The following NCOA2 variants were observed in gnomAD, a reference collection of about 807,000 sequenced individuals.
NCOA2 encodes the protein class E basic helix-loop-helix protein 75.
NCOA2 carries 21 observed loss-of-function variants against 145.1 expected under a neutral mutation model. The observed-to-expected ratio is 0.14, with a 90% confidence interval of 0.10 to 0.21. The LOEUF (loss-of-function observed/expected upper bound fraction) is 0.21, where lower values mean the gene tolerates loss of function less well. Ranked by LOEUF, NCOA2 falls within the 10% of genes least tolerant of loss-of-function variation. The pLI is 1.00. For synonymous variants in NCOA2, 619 were observed against 637.5 expected (o/e 0.97, Z 0.44); for missense variants, 1,472 against 1,837.6 (o/e 0.80, Z 3.64).
intron 2 of NCOA2, among the ~76,000 whole-genome samples, chr8:70,253,400 G>A (rs1823363509): frequency 1.3e-5 from 2 of 152,048 alleles, no homozygotes; most frequent in South Asian, 2.1e-4. Flanking sequence ...ATCAAAGAGG[G>A]AAAATAGAAG....
At chr8:70,330,899 T>C (rs1278091584) in intron 1 of NCOA2, among the ~76,000 whole-genome samples, 2 of 152,228 alleles carry the variant, frequency 1.3e-5, no homozygotes, top group Admixed American at 6.5e-5. Context: ...TTCAGTTATC[T>C]GGAAATGGCA....
intron 4 of NCOA2, among the ~76,000 whole-genome samples, chr8:70,198,483 C>A (rs1044686789): frequency 2.0e-5 from 3 of 152,156 alleles, no homozygotes; most frequent in African/African-American, 7.2e-5. Flanking sequence ...CAGGGAGACT[C>A]ACTGGAGGCT....
the NCOA2 span, among the ~76,000 whole-genome samples, chr8:70,450,840 T>C: frequency 6.6e-6 from 1 of 151,480 alleles, no homozygotes; most frequent in African/African-American, 2.4e-5. Context: ...GTGCTGGAAT[T>C]ACAGGCATGA....
chr8:70,181,349 G>A (rs893907770), intron 4 of NCOA2, among the ~76,000 whole-genome samples: 1 of 152,036 alleles, frequency 6.6e-6, no homozygotes, highest in Non-Finnish European at 1.5e-5. Context: ...TCCTTTTTTG[G>A]GGATCATCTG....
At chr8:70,248,382 A>AT (rs1418860923) in intron 2 of NCOA2, among the ~76,000 whole-genome samples, 1 of 152,150 alleles carries the variant, frequency 6.6e-6, no homozygotes, top group Admixed American at 6.5e-5. Flanking sequence ...CAAACTCCAC[A>AT]TCTCCTCATC....
At chr8:70,373,250 T>C (rs1378566302) in intron 1 of NCOA2, among the ~76,000 whole-genome samples, 1 of 152,210 alleles carries the variant, frequency 6.6e-6, no homozygotes, top group Non-Finnish European at 1.5e-5. Context: ...TAGTCTCCCC[T>C]GCACTTGGTA....
At chr8:70,441,224 G>GAAGA in the NCOA2 span, among the ~76,000 whole-genome samples, 5 of 136,848 alleles carry the variant, frequency 3.7e-5, no homozygotes, top group African/African-American at 1.3e-4. Flanking sequence ...AGAAAAGGAA[G>GAAGA]AAGAAAGAAA....
At chr8:70,170,139 G>A in intron 6 of NCOA2, 63 bp downstream of exon 6, 2 of 1,461,568 alleles carry the variant, frequency 1.4e-6, no homozygotes, top group Non-Finnish European at 1.9e-6. Flanking sequence ...AAGACACTGT[G>A]TGTATGAGGC....
intron 2 of NCOA2, among the ~76,000 whole-genome samples, chr8:70,277,149 T>G (rs571061703): frequency 1.5e-4 from 23 of 152,014 alleles, no homozygotes; most frequent in Admixed American, 3.3e-4. Context: ...GGCGTTTTTG[T>G]TTTTTTTCCT....
Position 70,157,195 on chromosome 8 carries a change from C to T in NCOA2, c.1170G>A (p.Thr390=), listed in dbSNP as rs757108396. Residue 390 remains threonine (T), a synonymous_variant, in exon 11 of 23, where the codon ACG becomes ACA. Transcript: ENST00000452400. The part of the protein sequence containing the change: ...CVMNPDLTGQ[T]MGKPLNPISS... ...TAATTGGATTCAGTGGCTTCCCCATCGTTTGTCCAGTCAGATCCGGATTCA... is the reference window on the plus strand; with the variant it reads ...TAATTGGATTCAGTGGCTTCCCCATTGTTTGTCCAGTCAGATCCGGATTCA... The T allele has an allele frequency of 8.2e-6, 13 of 1,589,648 alleles. No homozygotes were observed. In the East Asian group the frequency reaches 1.1e-4, roughly 14 times the overall value.
intron 2 of NCOA2, among the ~76,000 whole-genome samples, chr8:70,251,004 A>G (rs1167932963): frequency 6.6e-6 from 1 of 152,214 alleles, no homozygotes; most frequent in Non-Finnish European, 1.5e-5. Flanking sequence ...GCCCATTTGA[A>G]TTTATTGTTT....
Position 70,341,826 on chromosome 8 carries a change from C to T in NCOA2, c.-76-45026G>A, listed in dbSNP as rs141441583. Among the ~76,000 whole-genome samples, 778 of 152,310 alleles carry T rather than the reference C, an allele frequency of 5.1e-3. 5 individuals carry two copies. Among genetic ancestry groups the T allele is most frequent in the African/African-American group, 0.017 (717 of 41,568 alleles). ...AAAGAAAGACCTTAGGATGAATTTT[C>T]CAATGCTCAAATGCATTCCATTTAA... On this transcript the variant is annotated intron_variant, in intron 1 of 22. Coordinates refer to ENST00000452400, the MANE Select transcript of NCOA2 (RefSeq NM_006540.4).
intron 1 of NCOA2, among the ~76,000 whole-genome samples, chr8:70,336,860 C>T (rs774284959): frequency 8.5e-5 from 13 of 152,078 alleles, no homozygotes; most frequent in Admixed American, 3.3e-4. Flanking sequence ...GATGGACACC[C>T]GGGTTGCTTC....
intron 1 of NCOA2, among the ~76,000 whole-genome samples, chr8:70,376,596 T>C (rs767862800): frequency 2.0e-5 from 3 of 151,998 alleles, no homozygotes; most frequent in Non-Finnish European, 2.9e-5. Context: ...AGATTTAACA[T>C]CTTAGAATTC....
chr8:70,405,602 A>G (rs1270098971), upstream of NCOA2, among the ~76,000 whole-genome samples: 1 of 151,544 alleles, frequency 6.6e-6, no homozygotes, highest in Non-Finnish European at 1.5e-5. Context: ...GTTTGTCACA[A>G]TTCTGAACTC....
intron 1 of NCOA2, among the ~76,000 whole-genome samples, chr8:70,377,790 C>G (rs1354853249): frequency 6.6e-6 from 1 of 152,090 alleles, no homozygotes; most frequent in Admixed American, 6.6e-5. Context: ...AGTTCTTGCA[C>G]AAAATCTAAA....
In NCOA2 at chr8:70,216,767, A is replaced by G. The variant is rs774461848; in HGVS notation, c.-19-3T>C. The G allele has an allele frequency of 2.0e-6, 3 of 1,525,748 alleles. No individual in the cohort carries two copies. Among genetic ancestry groups the G allele is most frequent in the East Asian group, 4.5e-5 (2 of 44,420 alleles). 94.5% of individuals were successfully genotyped at this position (1,525,748 alleles called of 1,614,324 possible). On this transcript the variant is annotated splice_polypyrimidine_tract_variant and splice_region_variant and intron_variant, in intron 2 of 22. Transcript: ENST00000452400. ...TCATCTTGAACACATATCAGCAACTAAAACAGAAAACAGAGAAGAGGAAGA... is the reference window on the plus strand; with the variant it reads ...TCATCTTGAACACATATCAGCAACTGAAACAGAAAACAGAGAAGAGGAAGA...
At chr8:70,257,698 G>C (rs188212646) in intron 2 of NCOA2, among the ~76,000 whole-genome samples, 1 of 151,910 alleles carries the variant, frequency 6.6e-6, no homozygotes, top group Non-Finnish European at 1.5e-5. Flanking sequence ...GAACCACACA[G>C]AGACTATAGT....
intron 18 of NCOA2, among the ~76,000 whole-genome samples, chr8:70,128,196 A>G (rs1808660844): frequency 6.6e-6 from 1 of 152,232 alleles, no homozygotes. Flanking sequence ...CAGTGTTTGC[A>G]GTAACTTTAT....
Sources: allele counts gnomAD v4.1 joint callset (sites outside exome capture counted in the v4.1 genomes callset), GRCh38; gene constraint gnomAD v4.1.1; transcripts MANE v1.5; gene names NCBI Gene and HGNC (gene_info 2026-07-23, HGNC 2026-07-21).